CCSER1: variants seen among roughly 807,000 people sequenced by gnomAD.
The protein encoded by CCSER1 is coiled-coil serine rich protein 1, also known as serine-rich coiled-coil domain-containing protein 1.
A neutral mutation model predicts 82.0 loss-of-function variants in CCSER1; 41 were observed. The observed-to-expected ratio is 0.50, with a 90% CI of 0.39 to 0.65. The LOEUF (loss-of-function observed/expected upper bound fraction) is 0.65. Among genes scored for constraint, CCSER1 ranks in the 30% least tolerant of loss-of-function variants. The pLI is 0.00. For synonymous variants in CCSER1, 414 were observed against 383.9 expected (o/e 1.08, Z -0.92); for missense variants, 1,119 against 1,064.2 (o/e 1.05, Z -0.72).
At chr4:90,691,262 TAA>T (rs958647342) in intron 6 of CCSER1, among the ~76,000 whole-genome samples, 74 of 152,080 alleles carry the variant, frequency 4.9e-4, no homozygotes, top group African/African-American at 1.7e-3. Context: ...AAGTTTTACT[TAA>T]AGATATACCT....
At chr4:91,168,083 G>A (rs1581693934) in intron 10 of CCSER1, among the ~76,000 whole-genome samples, 2 of 148,996 alleles carry the variant, frequency 1.3e-5, no homozygotes, top group South Asian at 4.2e-4. Flanking sequence ...GAGGAAGTGA[G>A]GAGCGCCTCT....
chr4:90,922,640 T>C (rs13136364), intron 8 of CCSER1, among the ~76,000 whole-genome samples: 2 of 152,080 alleles, frequency 1.3e-5, no homozygotes, highest in Non-Finnish European at 2.9e-5. Flanking sequence ...TATTTGAAGA[T>C]AAAATGTGAT....
Position 90,468,230 on chromosome 4 carries a change from A to T in CCSER1, c.1604-4A>T. On this transcript the variant is annotated splice_region_variant and splice_polypyrimidine_tract_variant and intron_variant, in intron 4 of 10. Transcript: ENST00000509176. ...ATTTACAATTCCTCGGTTTTTTTGA[A>T]CAGTTTGCCGGGAGGACTCATATCA... is the stretch of plus-strand genomic sequence containing the variant. The T allele has an allele frequency of 6.3e-7, 1 of 1,583,214 alleles. No individual in the cohort carries two copies. Among genetic ancestry groups the T allele is most frequent in the Non-Finnish European group, 8.6e-7 (1 of 1,164,344 alleles).
intron 8 of CCSER1, among the ~76,000 whole-genome samples, chr4:90,840,619 A>G (rs904810682): frequency 1.3e-5 from 2 of 152,250 alleles, no homozygotes; most frequent in Admixed American, 1.3e-4. Context: ...AATATTCAAA[A>G]TGTTTCATAG....
intron 10 of CCSER1, among the ~76,000 whole-genome samples, chr4:91,281,304 A>C (rs554301885): frequency 1.4e-4 from 22 of 152,258 alleles, no homozygotes; most frequent in African/African-American, 5.1e-4. Flanking sequence ...TTATCTGTGG[A>C]GGGATCAAGT....
chr4:90,276,253 T>C (rs1343855654), intron 1 of CCSER1, among the ~76,000 whole-genome samples: 15 of 79,082 alleles, frequency 1.9e-4, no homozygotes, highest in African/African-American at 8.1e-4. Context: ...TTTCTTTCTT[T>C]CCTTCCTTCC....
chr4:91,071,595 A>G (rs1367698002), intron 9 of CCSER1, among the ~76,000 whole-genome samples: 1 of 152,178 alleles, frequency 6.6e-6, no homozygotes, highest in Non-Finnish European at 1.5e-5. Context: ...ACAGATTCAT[A>G]TGCAAATAAT....
chr4:90,142,698 C>A (rs1725026429), intron 1 of CCSER1, among the ~76,000 whole-genome samples: 1 of 150,832 alleles, frequency 6.6e-6, no homozygotes, highest in East Asian at 2.0e-4. Flanking sequence ...TTTTCTTGAT[C>A]CCTGCAGCCT....
rs543463086 is a variant in CCSER1, at chr4:91,260,299, C to T, written c.2217+174305C>T. 5.5e-4 allele frequency among the ~76,000 whole-genome samples: 84 copies of T among 152,284 alleles called. 1 individual carries two copies. Among genetic ancestry groups the T allele is most frequent in the Non-Finnish European group, 1.1e-3 (75 of 68,020 alleles). Reference sequence around the variant, plus strand: ...CTGTTCTTCCCATACACCACTTCCCCAATATACACATACACACCCATGCAT... The same window carrying T: ...CTGTTCTTCCCATACACCACTTCCCTAATATACACATACACACCCATGCAT... On this transcript the variant is annotated intron_variant, in intron 10 of 10. Transcript: ENST00000509176.
At chr4:91,595,957 A>C (rs1000345375) in intron 10 of CCSER1, among the ~76,000 whole-genome samples, 36 of 151,408 alleles carry the variant, frequency 2.4e-4, no homozygotes, top group African/African-American at 8.4e-4. Context: ...AAAAAAAAAA[A>C]AAAAAAAAAA....
intron 10 of CCSER1, among the ~76,000 whole-genome samples, chr4:91,274,809 A>G (rs561999882): frequency 6.5e-4 from 99 of 152,238 alleles, no homozygotes; most frequent in African/African-American, 2.3e-3. Flanking sequence ...TATCTTTTTG[A>G]AATACTAATT....
Position 91,235,022 on chromosome 4 carries a change from G to A in CCSER1, c.2217+149028G>A, listed in dbSNP as rs548821062. On this transcript the variant is annotated intron_variant, in intron 10 of 10. Transcript: ENST00000509176. ...CAGTCAGGCTTTGAATCTTGGTTCC[G>A]TCCTATCTAGTTGTGCCTTATTAAT... 1.8e-3 allele frequency among the ~76,000 whole-genome samples: 274 copies of A among 151,926 alleles called. 3 individuals are homozygous for A. The highest frequency in any genetic ancestry group is 6.3e-3 in the African/African-American group (263 of 41,458).
intron 1 of CCSER1, among the ~76,000 whole-genome samples, chr4:90,265,893 A>G (rs1201662597): frequency 6.6e-6 from 1 of 152,256 alleles, no homozygotes; most frequent in South Asian, 2.1e-4. Flanking sequence ...TTATAATCTT[A>G]CAGCATTTTT....
chr4:91,318,716 A>C (rs1745993933), intron 10 of CCSER1, among the ~76,000 whole-genome samples: 1 of 152,006 alleles, frequency 6.6e-6, no homozygotes, highest in African/African-American at 2.4e-5. Context: ...CTATGTCATA[A>C]CTTTTTATAT....
chr4:90,168,065 G>A (rs1730869490), intron 1 of CCSER1, among the ~76,000 whole-genome samples: 1 of 152,076 alleles, frequency 6.6e-6, no homozygotes, highest in Non-Finnish European at 1.5e-5. Flanking sequence ...CTTCCACAAT[G>A]GTTGAACTAG....
chr4:90,423,399 G>C (rs1296367194), intron 4 of CCSER1, among the ~76,000 whole-genome samples: 2 of 151,298 alleles, frequency 1.3e-5, no homozygotes, highest in African/African-American at 4.9e-5. Flanking sequence ...ATAATTTTTT[G>C]TAGTTTAGTA....
chr4:91,471,493 A>T (rs1464744916), intron 10 of CCSER1, among the ~76,000 whole-genome samples: 2 of 152,084 alleles, frequency 1.3e-5, no homozygotes, highest in Non-Finnish European at 2.9e-5. Flanking sequence ...CACGGTTGTC[A>T]TGAGGTAATA....
At chr4:90,965,321 C>T (rs1331395843) in intron 9 of CCSER1, among the ~76,000 whole-genome samples, 2 of 152,022 alleles carry the variant, frequency 1.3e-5, no homozygotes, top group Admixed American at 1.3e-4. Flanking sequence ...TAGAAAGCCA[C>T]AACAAGTGCA....
chr4:91,259,690 T>G (rs371102757), intron 10 of CCSER1, among the ~76,000 whole-genome samples: 19 of 151,414 alleles, frequency 1.3e-4, no homozygotes, highest in African/African-American at 4.1e-4. Context: ...GAACATGCAG[T>G]GTTTGATTTT....
Sources: allele counts gnomAD v4.1 joint callset (sites outside exome capture counted in the v4.1 genomes callset), GRCh38; gene constraint gnomAD v4.1.1; transcripts MANE v1.5; gene names NCBI Gene and HGNC (gene_info 2026-07-23, HGNC 2026-07-21).